Variants in DOK6 observed in about 807,000 individuals in gnomAD.
DOK6 encodes downstream of tyrosine kinase 6.
Under a neutral mutation model 44.0 loss-of-function variants are expected in DOK6, and 22 were observed. The observed-to-expected ratio is 0.50, with a 90% CI of 0.36 to 0.71. The LOEUF (loss-of-function observed/expected upper bound fraction) is 0.71, where lower values mean the gene tolerates loss of function less well. Among genes scored for constraint, DOK6 ranks in the 30% least tolerant of loss-of-function variants. The pLI, the probability that DOK6 is intolerant of heterozygous loss-of-function variation, is 0.00. For synonymous variants in DOK6, 166 were observed against 145.5 expected (o/e 1.14, Z -1.01); for missense variants, 340 against 416.4 (o/e 0.82, Z 1.60).
At chr18:69,479,806 G>T (rs1248127740) in intron 1 of DOK6, among the ~76,000 whole-genome samples, 1 of 152,126 alleles carries the variant, frequency 6.6e-6, no homozygotes, top group Non-Finnish European at 1.5e-5. Flanking sequence ...AAATTGCTTA[G>T]AATTTTATAA....
chr18:69,688,413 C>A (rs1986196476), intron 4 of DOK6, among the ~76,000 whole-genome samples: 1 of 152,200 alleles, frequency 6.6e-6, no homozygotes, highest in East Asian at 1.9e-4. Context: ...AAACCGGTGT[C>A]TTTCCTAATT....
intron 1 of DOK6, among the ~76,000 whole-genome samples, chr18:69,523,347 T>A (rs1981738978): frequency 6.6e-6 from 1 of 152,074 alleles, no homozygotes; most frequent in Non-Finnish European, 1.5e-5. Flanking sequence ...TTGATTGGAG[T>A]ATTTATACTG....
chr18:69,745,944 C>T (rs1053453388), intron 6 of DOK6, among the ~76,000 whole-genome samples: 1 of 152,108 alleles, frequency 6.6e-6, no homozygotes, highest in African/African-American at 2.4e-5. Context: ...TAACGATAGC[C>T]TCTAGATATT....
intron 7 of DOK6, among the ~76,000 whole-genome samples, chr18:69,768,112 T>G (rs973314847): frequency 6.6e-6 from 1 of 152,154 alleles, no homozygotes; most frequent in Admixed American, 6.6e-5. Context: ...TCTCTATTAA[T>G]CAAATTTTGT....
intron 7 of DOK6, among the ~76,000 whole-genome samples, chr18:69,782,142 C>CT (rs1253993593): frequency 1.3e-5 from 2 of 151,080 alleles, no homozygotes; most frequent in Non-Finnish European, 2.9e-5. Context: ...AAGTAAGTTC[C>CT]TTTTTTTTCT....
At chr18:69,640,297 A>C (rs113876300) in intron 3 of DOK6, among the ~76,000 whole-genome samples, 1 of 152,188 alleles carries the variant, frequency 6.6e-6, no homozygotes, top group Non-Finnish European at 1.5e-5. Flanking sequence ...AGAATCTCAC[A>C]GTCCTCAAAA....
At chr18:69,478,272 A>G (rs1169780448) in intron 1 of DOK6, among the ~76,000 whole-genome samples, 1 of 152,254 alleles carries the variant, frequency 6.6e-6, no homozygotes, top group Non-Finnish European at 1.5e-5. Flanking sequence ...AGCATAGGGC[A>G]TTTGCCTGTT....
intron 6 of DOK6, among the ~76,000 whole-genome samples, chr18:69,741,559 G>A (rs571196632): frequency 6.6e-6 from 1 of 152,252 alleles, no homozygotes. Context: ...GTGTAATGAT[G>A]TGAACACAGC....
rs1347605104 is a variant in DOK6, at chr18:69,739,251, T to C, written c.738+148T>C. On this transcript the variant is annotated intron_variant, in intron 6 of 7. Transcript: ENST00000382713. ...AGGGCTTACCCTACCCTCTCATCTCTCTAATATCCTATTCAATATGTCAAA... is the reference window on the plus strand; with the variant it reads ...AGGGCTTACCCTACCCTCTCATCTCCCTAATATCCTATTCAATATGTCAAA... 4.0e-6 allele frequency: 4 copies of C among 995,366 alleles called. No homozygotes were observed. In the African/African-American group the frequency reaches 4.9e-5, roughly 12 times the overall value. 61.7% of individuals were successfully genotyped at this position (995,366 alleles called of 1,614,324 possible).
At chr18:69,455,054 T>C (rs1599139337) in intron 1 of DOK6, among the ~76,000 whole-genome samples, 1 of 132,970 alleles carries the variant, frequency 7.5e-6, no homozygotes, top group Non-Finnish European at 1.6e-5. Flanking sequence ...AAACTTAAAG[T>C]ATAATAAAAA....
At chr18:69,436,413 G>A (rs141928015) in intron 1 of DOK6, among the ~76,000 whole-genome samples, 2 of 151,916 alleles carry the variant, frequency 1.3e-5, no homozygotes, top group African/African-American at 4.8e-5. Context: ...GAGAACATGC[G>A]GTGTTTGGTT....
intron 1 of DOK6, among the ~76,000 whole-genome samples, chr18:69,502,061 G>A (rs923161731): frequency 5.9e-5 from 9 of 152,032 alleles, no homozygotes; most frequent in African/African-American, 2.2e-4. Flanking sequence ...ACATAGAATA[G>A]TTTGTTTTAC....
At position 69,846,019 on chromosome 18, in the gene DOK6, T is replaced by C. The variant is rs1285774053; in HGVS notation, c.*4636T>C. On this transcript the variant is annotated 3_prime_UTR_variant, in exon 8 of 8. Coordinates refer to ENST00000382713, the MANE Select transcript of DOK6 (RefSeq NM_152721.6). Reference sequence around the variant, plus strand: ...CAAGCTCACACTCTCATGTGTGCATTCTCTATTAACATATTTGGAAGATTG... The same window carrying C: ...CAAGCTCACACTCTCATGTGTGCATCCTCTATTAACATATTTGGAAGATTG... 2 of 152,218 alleles carry C rather than the reference T, an allele frequency of 1.3e-5. No homozygotes were observed. Among genetic ancestry groups the C allele is most frequent in the African/African-American group, 2.4e-5 (1 of 41,466 alleles). 9.4% of individuals were successfully genotyped at this position (152,218 alleles called of 1,614,324 possible). A position where few individuals can be genotyped will look rare whatever the true frequency, so the allele number is the denominator to read the frequency against.
At chr18:69,523,130 CTG>C (rs1981733818) in intron 1 of DOK6, among the ~76,000 whole-genome samples, 1 of 152,072 alleles carries the variant, frequency 6.6e-6, no homozygotes, top group South Asian at 2.1e-4. Context: ...CCAAGTCACT[CTG>C]TGGTGTGTGA....
chr18:69,730,390 A>C (rs1026079522), intron 5 of DOK6, among the ~76,000 whole-genome samples: 16 of 152,264 alleles, frequency 1.1e-4, no homozygotes, highest in African/African-American at 3.9e-4. Context: ...TTAATTCAGC[A>C]GGAGAAACAG....
At chr18:69,831,274 G>A (rs1363983283) in intron 7 of DOK6, 1 of 152,212 alleles carries the variant, frequency 6.6e-6, no homozygotes, top group Non-Finnish European at 1.5e-5. Flanking sequence ...TCCTCTTTCT[G>A]TTCTATCCAA....
intron 3 of DOK6, among the ~76,000 whole-genome samples, chr18:69,634,307 A>G (rs1295391248): frequency 6.6e-6 from 1 of 152,176 alleles, no homozygotes; most frequent in Non-Finnish European, 1.5e-5. Context: ...CAGTTCTAGA[A>G]CACTTTAAAA....
chr18:69,759,924 GAA>G (rs1979488847), intron 7 of DOK6, among the ~76,000 whole-genome samples: 1 of 152,140 alleles, frequency 6.6e-6, no homozygotes, highest in Non-Finnish European at 1.5e-5. Flanking sequence ...GTATTCAACG[GAA>G]GTTACGTTTC....
intron 1 of DOK6, among the ~76,000 whole-genome samples, chr18:69,530,872 T>C (rs1178633485): frequency 2.6e-5 from 4 of 152,136 alleles, no homozygotes; most frequent in Admixed American, 2.0e-4. Flanking sequence ...GGTGTTAAAG[T>C]CTCCTATTAT....
Sources: gnomAD v4.1 joint callset for allele counts (sites outside exome capture counted in the v4.1 genomes callset) on GRCh38, gnomAD v4.1.1 for gene constraint, MANE v1.5 for transcripts, NCBI Gene and HGNC (gene_info 2026-07-23, HGNC 2026-07-21) for gene names.